The following CORIN variants were observed in gnomAD, a reference collection of about 807,000 sequenced individuals.
The protein encoded by CORIN is corin, serine peptidase.
In CORIN, 117 loss-of-function variants were observed where a neutral mutation model predicts 125.3. The observed-to-expected ratio is 0.93, with a 90% confidence interval of 0.80 to 1.09. The LOEUF is 1.09. Among genes scored for constraint, CORIN ranks in the 50% least tolerant of loss-of-function variants. CORIN has a pLI of 0.00. For missense variants in CORIN, 1,253 were observed against 1,306.7 expected (o/e 0.96, Z 0.63); for synonymous variants, 450 against 466.4 (o/e 0.96, Z 0.45).
chr4:47,733,477 G>C lies in CORIN; in HGVS notation c.799+10925C>G, dbSNP rs555983217. Among the ~76,000 whole-genome samples, 4 of 152,278 alleles carry C rather than the reference G, an allele frequency of 2.6e-5. No individual in the cohort carries two copies. The East Asian group carries it at 7.7e-4, about 29-fold the overall frequency. ...TGCTTGTGCACTGAAATGGTTGCTA[G>C]CAGCAACCGGAGCTAGGCAGAGCAA... On this transcript the variant is annotated intron_variant, in intron 5 of 21. Coordinates refer to ENST00000273857, the MANE Select transcript of CORIN (RefSeq NM_006587.4).
At chr4:47,803,826 C>T (rs2109946476) in intron 2 of CORIN, among the ~76,000 whole-genome samples, 1 of 152,284 alleles carries the variant, frequency 6.6e-6, no homozygotes, top group East Asian at 1.9e-4. Context: ...CACACAAGCA[C>T]AGGCAACCAA....
At chr4:47,837,541 G>A (rs1733502226) in intron 1 of CORIN, 1 of 408,066 alleles carries the variant, frequency 2.5e-6, no homozygotes, top group Admixed American at 4.2e-5. Context: ...GGAGGGCACC[G>A]TGCGGAGGAG....
chr4:47,633,277 C>T (rs533802369), intron 16 of CORIN, among the ~76,000 whole-genome samples: 2 of 152,028 alleles, frequency 1.3e-5, no homozygotes, highest in African/African-American at 4.8e-5. Flanking sequence ...ATATTTAATC[C>T]ATTTCCAATA....
At chr4:47,596,564 C>T (rs1003537198) in intron 21 of CORIN, among the ~76,000 whole-genome samples, 1 of 152,038 alleles carries the variant, frequency 6.6e-6, no homozygotes, top group Non-Finnish European at 1.5e-5. Flanking sequence ...GAACTATATT[C>T]AGTTTTTCCC....
intron 4 of CORIN, among the ~76,000 whole-genome samples, chr4:47,758,498 C>A (rs1729296622): frequency 6.6e-6 from 1 of 151,994 alleles, no homozygotes; most frequent in Non-Finnish European, 1.5e-5. Flanking sequence ...TGCATGGAAA[C>A]ACAAAAGACA....
At chr4:47,629,728 T>C (rs6845683) in intron 16 of CORIN, among the ~76,000 whole-genome samples, 34,437 of 151,972 alleles carry the variant, frequency 0.23, 4,377 homozygotes, top group East Asian at 0.47. Flanking sequence ...TTTCACTTAG[T>C]GACTTATCTT....
chr4:47,836,738 G>A (rs116780686), intron 1 of CORIN, among the ~76,000 whole-genome samples: 2 of 152,160 alleles, frequency 1.3e-5, no homozygotes, highest in African/African-American at 2.4e-5. Flanking sequence ...CCCAGGAACC[G>A]GGAGCCGTGC....
chr4:47,617,127 G>A (rs562391389), intron 19 of CORIN, among the ~76,000 whole-genome samples: 1 of 152,276 alleles, frequency 6.6e-6, no homozygotes, highest in South Asian at 2.1e-4. Context: ...CAAAGATTTG[G>A]AGACAGAGAA....
At chr4:47,635,287 G>A (rs147136396) in intron 16 of CORIN, among the ~76,000 whole-genome samples, 1 of 151,244 alleles carries the variant, frequency 6.6e-6, no homozygotes, top group African/African-American at 2.4e-5. Context: ...TATTATTTTA[G>A]TTAGAGGAAC....
At chr4:47,671,246 TCAAGGA>T (rs1464848649) in intron 10 of CORIN, among the ~76,000 whole-genome samples, 1 of 152,298 alleles carries the variant, frequency 6.6e-6, no homozygotes, top group Admixed American at 6.5e-5. Context: ...ATCAGAGTCT[TCAAGGA>T]CAAGAATCCC....
intron 6 of CORIN, among the ~76,000 whole-genome samples, chr4:47,692,595 A>C (rs1396588609): frequency 6.6e-6 from 1 of 152,168 alleles, no homozygotes; most frequent in Non-Finnish European, 1.5e-5. Context: ...TGTGTCATGA[A>C]AGTTAAGAAT....
intron 5 of CORIN, chr4:47,706,466 A>G (rs1726559382): frequency 1.2e-6 from 2 of 1,611,404 alleles, no homozygotes; most frequent in East Asian, 2.2e-5. Flanking sequence ...CAGTACCGCC[A>G]GCTCTCTGCT....
At chr4:47,628,401 A>G (rs1241761629) in intron 16 of CORIN, among the ~76,000 whole-genome samples, 1 of 151,836 alleles carries the variant, frequency 6.6e-6, no homozygotes, top group Non-Finnish European at 1.5e-5. Flanking sequence ...GGCTACCACA[A>G]TCAAGCTAAG....
chr4:47,767,020 G>A (rs1029666910), intron 3 of CORIN, among the ~76,000 whole-genome samples: 46 of 150,798 alleles, frequency 3.1e-4, no homozygotes, highest in Non-Finnish European at 8.8e-5. Context: ...CCTCCCTCCT[G>A]ACATTTCACC....
At chr4:47,813,171 T>A (rs1190802255) in intron 1 of CORIN, among the ~76,000 whole-genome samples, 1 of 152,206 alleles carries the variant, frequency 6.6e-6, no homozygotes, top group Non-Finnish European at 1.5e-5. Context: ...CAATCTAATG[T>A]TGAAACTGTG....
chr4:47,753,560 C>T (rs7697926), intron 4 of CORIN, among the ~76,000 whole-genome samples: 8,295 of 152,134 alleles, frequency 0.055, 711 homozygotes, highest in African/African-American at 0.19. Context: ...CAGGAATGCA[C>T]TCCTTCCCCA....
rs533778689 is a variant in CORIN, at chr4:47,607,409, A to G, written c.2541-3741T>C. Among the ~76,000 whole-genome samples, 430 of 149,780 alleles carry G rather than the reference A, an allele frequency of 2.9e-3. 3 individuals carry two copies. Among genetic ancestry groups the G allele is most frequent in the African/African-American group, 0.01 (416 of 41,164 alleles). Reference sequence around the variant, plus strand: ...GGCGACAGAGTGAGACTCCATCTCAAAAAAAAAAAATTCCACCAAAAGAAA... The same window carrying G: ...GGCGACAGAGTGAGACTCCATCTCAGAAAAAAAAAATTCCACCAAAAGAAA... On this transcript the variant is annotated intron_variant, in intron 19 of 21. Coordinates refer to ENST00000273857, the MANE Select transcript of CORIN (RefSeq NM_006587.4).
intron 6 of CORIN, among the ~76,000 whole-genome samples, chr4:47,690,953 T>G (rs1725737341): frequency 6.6e-6 from 1 of 152,212 alleles, no homozygotes. Flanking sequence ...TGAAGGGATG[T>G]ATTTCCCCAA....
At chr4:47,780,868 C>A (rs1730510321) in intron 3 of CORIN, among the ~76,000 whole-genome samples, 1 of 150,032 alleles carries the variant, frequency 6.7e-6, no homozygotes. Flanking sequence ...CCAATGGTAA[C>A]CATAAATAAA....
Sources: allele counts gnomAD v4.1 joint callset (sites outside exome capture counted in the v4.1 genomes callset), GRCh38; gene constraint gnomAD v4.1.1; transcripts MANE v1.5; gene names NCBI Gene and HGNC (gene_info 2026-07-23, HGNC 2026-07-21).